Variants in PRTFDC1 observed in about 807,000 individuals in gnomAD.
PRTFDC1 encodes the protein phosphoribosyl transferase domain containing 1.
PRTFDC1 carries 38 observed loss-of-function variants against 34.6 expected under a neutral mutation model. The ratio of observed to expected loss-of-function variants is 1.10; its 90% CI spans 0.85 to 1.44. The LOEUF (loss-of-function observed/expected upper bound fraction) is 1.44. Ranked by LOEUF, PRTFDC1 falls within the 40% of genes most tolerant of loss-of-function variation. The probability of loss-of-function intolerance (pLI) is 0.00; values close to 1 mark genes in which losing one functional copy is unlikely to be tolerated. For synonymous variants in PRTFDC1, 93 were observed against 98.1 expected (o/e 0.95, Z 0.31); for missense variants, 270 against 283.0 (o/e 0.95, Z 0.33).
At chr10:24,914,055 T>A (rs1185004682) in intron 3 of PRTFDC1, among the ~76,000 whole-genome samples, 1 of 152,212 alleles carries the variant, frequency 6.6e-6, no homozygotes, top group Non-Finnish European at 1.5e-5. Flanking sequence ...CACTGCCCTA[T>A]GAATTTCTTG....
chr10:24,859,616 T>C (rs950043860), intron 4 of PRTFDC1, among the ~76,000 whole-genome samples: 5 of 152,202 alleles, frequency 3.3e-5, no homozygotes, highest in Admixed American at 6.5e-5. Flanking sequence ...CCATGCTTCC[T>C]ATACAGCCTG....
Position 24,952,545 on chromosome 10 carries a change from A to T in PRTFDC1, c.31T>A (p.Tyr11Asn), listed in dbSNP as rs775307958. Residue 11 changes from tyrosine to asparagine, a missense_variant, in exon 1 of 9, where the codon TAC becomes AAC. Tyr to Asn is a moderately radical substitution (Grantham distance 143). Coordinates refer to ENST00000320152, the MANE Select transcript of PRTFDC1 (RefSeq NM_020200.7). This position sits in a 1 kb window ranked among gnomAD's most constrained non-coding sequence, Gnocchi z 5.1. Reference sequence around the variant, plus strand: ...GCATTTACCACGACGCCTCGCCCGTAGTCTGGCGCCTCCTCGCTGCTCCCG... The same window carrying T: ...GCATTTACCACGACGCCTCGCCCGTTGTCTGGCGCCTCCTCGCTGCTCCCG... Reference protein sequence around the residue: MAGSSEEAPDYGRGVVIMDDW... With the variant: MAGSSEEAPDNGRGVVIMDDW... The T allele has an allele frequency of 3.1e-6, 5 of 1,591,108 alleles. No homozygotes were observed. The African/African-American group carries it at 4.0e-5, about 13-fold the overall frequency.
chr10:24,880,404 GCC>G (rs1848047266), intron 3 of PRTFDC1, among the ~76,000 whole-genome samples: 2 of 151,856 alleles, frequency 1.3e-5, no homozygotes, highest in African/African-American at 4.8e-5. Flanking sequence ...AGGCTACCAG[GCC>G]CAGCTAAATT....
At chr10:24,876,760 G>T (rs1847972488) in intron 3 of PRTFDC1, among the ~76,000 whole-genome samples, 1 of 151,632 alleles carries the variant, frequency 6.6e-6, no homozygotes, top group Non-Finnish European at 1.5e-5. Flanking sequence ...TATTGCCCAG[G>T]CTGGTCTCGA....
intron 3 of PRTFDC1, among the ~76,000 whole-genome samples, chr10:24,921,997 A>G (rs930299651): frequency 6.6e-6 from 1 of 152,148 alleles, no homozygotes; most frequent in Admixed American, 6.5e-5. Flanking sequence ...CAAAGGCATT[A>G]TTTTTCCATA....
intron 3 of PRTFDC1, among the ~76,000 whole-genome samples, chr10:24,905,317 ATTTTTTTTTTTTTTT>A (rs59569885): frequency 2.3e-5 from 2 of 87,284 alleles, no homozygotes; most frequent in African/African-American, 9.6e-5. Flanking sequence ...TGTCTCAAGA[ATTTTTTTTTTTTTTT>A]TTTTTTTTTT....
chr10:24,882,768 G>A (rs1213651427), intron 3 of PRTFDC1, among the ~76,000 whole-genome samples: 1 of 151,388 alleles, frequency 6.6e-6, no homozygotes, highest in Non-Finnish European at 1.5e-5. Context: ...AGCCTCCCAA[G>A]TAGCTGGGAC....
chr10:24,858,741 T>C (rs111449186), intron 4 of PRTFDC1, among the ~76,000 whole-genome samples: 33 of 152,316 alleles, frequency 2.2e-4, no homozygotes, highest in African/African-American at 6.5e-4. Flanking sequence ...AGGCAAAGCC[T>C]GTTGAGAGTT....
At chr10:24,909,573 T>C (rs1848595412) in intron 3 of PRTFDC1, among the ~76,000 whole-genome samples, 1 of 152,188 alleles carries the variant, frequency 6.6e-6, no homozygotes, top group African/African-American at 2.4e-5. Flanking sequence ...TTTTAAAATA[T>C]TGCATATATA....
intron 3 of PRTFDC1, among the ~76,000 whole-genome samples, chr10:24,911,940 T>C (rs1848632616): frequency 6.6e-6 from 1 of 151,812 alleles, no homozygotes. Flanking sequence ...GAGAGTATGA[T>C]TGTAGATCAC....
intron 3 of PRTFDC1, among the ~76,000 whole-genome samples, chr10:24,884,799 G>C (rs1163453726): frequency 6.6e-6 from 1 of 152,130 alleles, no homozygotes; most frequent in African/African-American, 2.4e-5. Context: ...AATCAACCAG[G>C]GTAGGGGTCT....
At chr10:24,850,571 G>T in intron 8 of PRTFDC1, among the ~76,000 whole-genome samples, 1 of 152,196 alleles carries the variant, frequency 6.6e-6, no homozygotes, top group African/African-American at 2.4e-5. Flanking sequence ...GTTCAAGGCT[G>T]CAGTGAGCTA....
intron 6 of PRTFDC1, 93 bp downstream of exon 6, chr10:24,856,820 A>G (rs961952948): frequency 1.7e-6 from 2 of 1,187,870 alleles, no homozygotes; most frequent in Non-Finnish European, 2.5e-6. Flanking sequence ...TTTGGAATAT[A>G]TTACACTCTT....
intron 3 of PRTFDC1, among the ~76,000 whole-genome samples, chr10:24,907,354 G>A (rs1037463393): frequency 3.3e-5 from 5 of 152,174 alleles, no homozygotes; most frequent in South Asian, 2.1e-4. Flanking sequence ...CAGCACTTTC[G>A]GAGGCTGAGG....
chr10:24,855,722 G>T (rs1016973738), intron 6 of PRTFDC1, among the ~76,000 whole-genome samples: 1 of 151,972 alleles, frequency 6.6e-6, no homozygotes, highest in Non-Finnish European at 1.5e-5. Flanking sequence ...TGTAGCCCAG[G>T]AGTTGAAGGC....
intron 4 of PRTFDC1, among the ~76,000 whole-genome samples, chr10:24,864,013 CAAAAAAA>C (rs71399939): frequency 7.6e-5 from 8 of 105,948 alleles, no homozygotes; most frequent in African/African-American, 2.8e-4. Context: ...CAACTCGTCT[CAAAAAAA>C]AAAAAAAAAA....
At chr10:24,854,575 A>G (rs1228496175) in intron 7 of PRTFDC1, among the ~76,000 whole-genome samples, 1 of 152,210 alleles carries the variant, frequency 6.6e-6, no homozygotes, top group Non-Finnish European at 1.5e-5. Context: ...TGCAAGTGAA[A>G]AAAAATCGCC....
intron 3 of PRTFDC1, among the ~76,000 whole-genome samples, chr10:24,892,603 A>G (rs1012859916): frequency 3.3e-5 from 5 of 152,134 alleles, no homozygotes; most frequent in African/African-American, 1.2e-4. Context: ...GGAAAATGAC[A>G]CCGAGGCCAA....
At chr10:24,881,565 G>C (rs1049724584) in intron 3 of PRTFDC1, among the ~76,000 whole-genome samples, 1 of 152,096 alleles carries the variant, frequency 6.6e-6, no homozygotes, top group African/African-American at 2.4e-5. Context: ...ATTTTTCCAG[G>C]TCTGGCTGCA....
Sources: allele counts gnomAD v4.1 joint callset (sites outside exome capture counted in the v4.1 genomes callset), GRCh38; gene constraint gnomAD v4.1.1; non-coding constraint Gnocchi (gnomAD v3.1); transcripts MANE v1.5; gene names NCBI Gene and HGNC (gene_info 2026-07-23, HGNC 2026-07-21).